PRICKLE2: variants seen among roughly 807,000 people sequenced by gnomAD.
PRICKLE2 encodes prickle planar cell polarity protein 2.
In PRICKLE2, 21 loss-of-function variants were observed where a neutral mutation model predicts 81.4. The ratio of observed to expected loss-of-function variants is 0.26; its 90% confidence interval spans 0.18 to 0.37. The LOEUF (loss-of-function observed/expected upper bound fraction) is 0.37. Ranked by LOEUF, PRICKLE2 falls within the 10% of genes least tolerant of loss-of-function variation. The pLI is 1.00. For missense variants in PRICKLE2, 940 were observed against 1,109.0 expected (o/e 0.85, Z 2.16); for synonymous variants, 456 against 421.5 (o/e 1.08, Z -1.00).
At chr3:64,214,198 C>T (rs2078836656) in intron 1 of PRICKLE2, among the ~76,000 whole-genome samples, 1 of 152,120 alleles carries the variant, frequency 6.6e-6, no homozygotes, top group South Asian at 2.1e-4. Flanking sequence ...CCCTTCAAAA[C>T]TTGACAGGGG....
intron 2 of PRICKLE2, among the ~76,000 whole-genome samples, chr3:64,241,672 G>A (rs2079267436): frequency 6.6e-6 from 1 of 152,138 alleles, no homozygotes; most frequent in South Asian, 2.1e-4. Flanking sequence ...TGCAACTTGA[G>A]CAAGACCTTG....
intron 2 of PRICKLE2, among the ~76,000 whole-genome samples, chr3:64,237,830 T>G (rs2079205074): frequency 6.6e-6 from 1 of 152,104 alleles, no homozygotes; most frequent in Non-Finnish European, 1.5e-5. Flanking sequence ...AAATTTACCT[T>G]CCTAGAACTG....
chr3:64,189,905 G>T (rs1323821968), intron 2 of PRICKLE2, among the ~76,000 whole-genome samples: 1 of 152,138 alleles, frequency 6.6e-6, no homozygotes, highest in Non-Finnish European at 1.5e-5. Context: ...TCAAGGGGAT[G>T]GATGATTAAG....
At chr3:64,121,017 A>G (rs1482208662) in intron 7 of PRICKLE2, among the ~76,000 whole-genome samples, 1 of 152,114 alleles carries the variant, frequency 6.6e-6, no homozygotes, top group Admixed American at 6.5e-5. Flanking sequence ...TTGGTCTCCA[A>G]TCTCTGTCTC....
chr3:64,239,841 G>C (rs1019556031), intron 2 of PRICKLE2, among the ~76,000 whole-genome samples: 1 of 151,126 alleles, frequency 6.6e-6, no homozygotes, highest in South Asian at 2.1e-4. Context: ...AGGGCTTGGT[G>C]CTGTGGCTCA....
intron 2 of PRICKLE2, among the ~76,000 whole-genome samples, chr3:64,260,936 C>A (rs144136933): frequency 1.6e-4 from 24 of 152,302 alleles, no homozygotes; most frequent in Admixed American, 5.2e-4. Context: ...GATCCCAAAT[C>A]AATTCCCAGG....
In PRICKLE2 at chr3:64,120,963, C is replaced by T. The variant is rs184050356; in HGVS notation, c.1661-21038G>A. Among the ~76,000 whole-genome samples the T allele has an allele frequency of 2.2e-4, 33 of 152,332 alleles. 1 individual carries two copies. Among genetic ancestry groups the T allele is most frequent in the Admixed American group, 2.0e-3 (30 of 15,306 alleles). On this transcript the variant is annotated intron_variant, in intron 7 of 7. Transcript: ENST00000638394. The stretch of plus-strand genomic sequence containing the variant: ...AAGCCAGGACTGAATTCTTGGAAAG[C>T]ATAAAGACCTTGAACAGGGCCATGA...
intron 7 of PRICKLE2, among the ~76,000 whole-genome samples, chr3:64,109,762 C>T (rs2076814355): frequency 6.6e-6 from 1 of 152,202 alleles, no homozygotes; most frequent in South Asian, 2.1e-4. Flanking sequence ...GTTTTCCCAA[C>T]AATAGCGGCT....
At chr3:64,114,392 G>A (rs994428569) in intron 7 of PRICKLE2, among the ~76,000 whole-genome samples, 3 of 152,064 alleles carry the variant, frequency 2.0e-5, no homozygotes, top group African/African-American at 7.2e-5. Context: ...TAAAATAACA[G>A]AAATGAAATT....
chr3:64,120,320 C>T (rs1046196290), intron 7 of PRICKLE2, among the ~76,000 whole-genome samples: 3 of 152,192 alleles, frequency 2.0e-5, no homozygotes, highest in African/African-American at 7.2e-5. Context: ...TATTAACTTG[C>T]ATTTATAGAG....
At chr3:64,253,741 G>A (rs1244874770) in intron 2 of PRICKLE2, among the ~76,000 whole-genome samples, 2 of 151,926 alleles carry the variant, frequency 1.3e-5, no homozygotes. Flanking sequence ...GAAGGGGGAA[G>A]AAATTCAAGG....
intron 1 of PRICKLE2, among the ~76,000 whole-genome samples, chr3:64,205,401 T>C (rs890920633): frequency 2.0e-5 from 3 of 152,220 alleles, no homozygotes; most frequent in African/African-American, 7.2e-5. Flanking sequence ...CTTGGTCATC[T>C]GCACCAGTGG....
chr3:64,114,246 T>C (rs2076899182), intron 7 of PRICKLE2, among the ~76,000 whole-genome samples: 1 of 148,618 alleles, frequency 6.7e-6, no homozygotes, highest in South Asian at 2.1e-4. Context: ...AGATTGAAGG[T>C]AGATAAGCCC....
rs2077823050 is a variant in PRICKLE2, at chr3:64,165,966, GTGTGTGTGTGTGTGT to G, written c.145-2852_145-2838del. ...AAAAATGGCAAACTGTTATAAAGGTGTGTGTGTGTGTGTGTGTGTGTGTGTGTGTGTGTGTGTGTG... is the reference window on the plus strand; with the variant it reads ...AAAAATGGCAAACTGTTATAAAGGTGGTGTGTGTGTGTGTGTGTGTGTGTG... On this transcript the variant is annotated intron_variant, in intron 2 of 7. Coordinates refer to ENST00000638394, the MANE Select transcript of PRICKLE2 (RefSeq NM_198859.4). Among the ~76,000 whole-genome samples, 209 of 121,358 alleles carry G rather than the reference GTGTGTGTGTGTGTGT, an allele frequency of 1.7e-3. 1 individual carries two copies. The highest frequency in any genetic ancestry group is 2.8e-3 in the African/African-American group (83 of 29,550). 79.6% of individuals were successfully genotyped at this position (121,358 alleles called of 152,430 possible).
rs966313705 is a variant in PRICKLE2, at chr3:64,118,356, A to C, written c.1661-18431T>G. ...AAAAATTGACAAATGGGATCTAATT[A>C]AACTAAAGAGCTTCTGCACAGCAAA... On this transcript the variant is annotated intron_variant, in intron 7 of 7. Transcript: ENST00000638394. 2.6e-5 allele frequency among the ~76,000 whole-genome samples: 4 copies of C among 152,208 alleles called. 1 individual carries two copies. Among genetic ancestry groups the C allele is most frequent in the Admixed American group, 2.0e-4 (3 of 15,276 alleles).
intron 2 of PRICKLE2, among the ~76,000 whole-genome samples, chr3:64,183,738 T>A (rs943512087): frequency 6.6e-6 from 1 of 152,326 alleles, no homozygotes; most frequent in Admixed American, 6.5e-5. Context: ...ATATTTCACA[T>A]CTTTACAATC....
At chr3:64,161,757 A>T (rs2077738215) in intron 3 of PRICKLE2, among the ~76,000 whole-genome samples, 1 of 151,354 alleles carries the variant, frequency 6.6e-6, no homozygotes, top group Non-Finnish European at 1.5e-5. Flanking sequence ...AACGTCCCAG[A>T]GAGAACTGCA....
Position 64,099,903 on chromosome 3 carries a change from G to A in PRICKLE2, c.1683C>T (p.Ala561=). Residue 561 remains alanine (A), a synonymous_variant, in exon 8 of 8, where the codon GCC becomes GCT. Coordinates refer to ENST00000638394, the MANE Select transcript of PRICKLE2 (RefSeq NM_198859.4). The surrounding 1 kb of genome is among the most constrained non-coding windows in gnomAD (Gnocchi z 4.3). ...NATGLSADGG[A]KRQEHLSRFS... The stretch of plus-strand genomic sequence containing the variant: ...ATCGGGATAGGTGCTCCTGGCGCTT[G>A]GCACCACCATCAGCAGAGAGGCCTG... 1 of 1,614,178 alleles carries A rather than the reference G, an allele frequency of 6.2e-7. No homozygotes were observed.
chr3:64,200,981 G>A (rs1284841729), intron 1 of PRICKLE2: 18 of 148,224 alleles, frequency 1.2e-4, no homozygotes, highest in African/African-American at 4.3e-4. Context: ...CCAGACTGGA[G>A]TGCAGTGGCA....
Sources: allele counts gnomAD v4.1 joint callset (sites outside exome capture counted in the v4.1 genomes callset), GRCh38; gene constraint gnomAD v4.1.1; non-coding constraint Gnocchi (gnomAD v3.1); transcripts MANE v1.5; gene names NCBI Gene and HGNC (gene_info 2026-07-23, HGNC 2026-07-21).